The following CHODL variants were observed in gnomAD, a reference collection of about 807,000 sequenced individuals.
CHODL encodes the protein transmembrane protein MT75.
Under a neutral mutation model 34.5 loss-of-function variants are expected in CHODL, and 29 were observed. The observed-to-expected ratio is 0.84, with a 90% CI of 0.63 to 1.15. The LOEUF (loss-of-function observed/expected upper bound fraction) is 1.15, where lower values mean the gene tolerates loss of function less well. Ranked by LOEUF, CHODL falls within the 50% of genes most tolerant of loss-of-function variation. The pLI is 0.00. For missense variants in CHODL, 332 were observed against 332.5 expected, an observed-to-expected ratio of 1.00 and a Z score of 0.01; for synonymous variants, 125 against 116.1, an observed-to-expected ratio of 1.08 and a Z score of -0.49.
At chr21:17,943,098 A>C (rs1258347977) in intron 1 of CHODL, among the ~76,000 whole-genome samples, 1 of 152,124 alleles carries the variant, frequency 6.6e-6, no homozygotes, top group Non-Finnish European at 1.5e-5. Flanking sequence ...TTTATAAATT[A>C]CCCAGTTTCA....
At chr21:17,964,047 T>A (rs2063553118) in intron 1 of CHODL, among the ~76,000 whole-genome samples, 1 of 152,222 alleles carries the variant, frequency 6.6e-6, no homozygotes. Flanking sequence ...TATTTGTCTT[T>A]GACTGTGAAA....
At chr21:18,002,582 G>A (rs1240392780) in intron 1 of CHODL, among the ~76,000 whole-genome samples, 1 of 152,150 alleles carries the variant, frequency 6.6e-6, no homozygotes, top group Non-Finnish European at 1.5e-5. Context: ...TCCAGGTGGT[G>A]TTGAGCTAGT....
intron 2 of CHODL, among the ~76,000 whole-genome samples, chr21:18,182,556 G>T (rs1425514778): frequency 2.0e-5 from 3 of 151,794 alleles, no homozygotes; most frequent in Non-Finnish European, 4.4e-5. Context: ...AGGATCTGTT[G>T]GTCCTTAATT....
intron 1 of CHODL, among the ~76,000 whole-genome samples, chr21:17,978,379 G>A (rs951243771): frequency 2.1e-5 from 3 of 143,162 alleles, no homozygotes; most frequent in Non-Finnish European, 3.0e-5. Context: ...CCAAGATGGC[G>A]CCACTGCACT....
At chr21:17,979,772 G>A (rs1410217597) in intron 1 of CHODL, among the ~76,000 whole-genome samples, 2 of 152,162 alleles carry the variant, frequency 1.3e-5, no homozygotes, top group African/African-American at 4.8e-5. Context: ...CTTTGGAGAG[G>A]TACTTGGGGT....
intron 2 of CHODL, chr21:18,034,437 A>G (rs2146444285): frequency 6.6e-6 from 1 of 152,118 alleles, no homozygotes; most frequent in South Asian, 2.1e-4. Context: ...TCCACAGAAT[A>G]TGGACTAAGA....
intron 1 of CHODL, among the ~76,000 whole-genome samples, chr21:17,941,280 T>C (rs182476978): frequency 7.1e-6 from 1 of 141,030 alleles, no homozygotes; most frequent in African/African-American, 2.7e-5. Context: ...AAAACTTAAC[T>C]TGCCTCTTTT....
chr21:17,944,885 T>TA (rs1193073592), intron 1 of CHODL, among the ~76,000 whole-genome samples: 1 of 152,098 alleles, frequency 6.6e-6, no homozygotes, highest in Non-Finnish European at 1.5e-5. Context: ...AGGGAACAAA[T>TA]ATTACAAAGA....
At chr21:18,140,158 CT>C (rs2072783851) in intron 2 of CHODL, among the ~76,000 whole-genome samples, 1 of 152,122 alleles carries the variant, frequency 6.6e-6, no homozygotes. Context: ...ACTCCCTGAG[CT>C]GCGAATAAAT....
chr21:17,947,711 G>A (rs1379102159), intron 1 of CHODL, among the ~76,000 whole-genome samples: 1 of 152,054 alleles, frequency 6.6e-6, no homozygotes. Context: ...TATACACTCT[G>A]GGAATGTACC....
intron 1 of CHODL, among the ~76,000 whole-genome samples, chr21:17,972,715 A>G (rs197536): frequency 0.27 from 41,434 of 152,052 alleles, 7,432 homozygotes; most frequent in African/African-American, 0.51. Context: ...TGTCCATACT[A>G]CCCAAAGTAA....
At chr21:18,193,705 A>AAAAAT (rs1296323019) in intron 2 of CHODL, among the ~76,000 whole-genome samples, 7 of 146,372 alleles carry the variant, frequency 4.8e-5, no homozygotes, top group African/African-American at 1.5e-4. Flanking sequence ...CAGAAAAAAA[A>AAAAAT]AAAAATAAAA....
chr21:18,011,268 A>C (rs2064016973), intron 1 of CHODL, among the ~76,000 whole-genome samples: 1 of 141,134 alleles, frequency 7.1e-6, no homozygotes, highest in Non-Finnish European at 1.5e-5. Context: ...AAAAAGTCGA[A>C]CATTACTTTC....
chr21:18,242,496 C>T (rs377463781), upstream of CHODL, among the ~76,000 whole-genome samples: 31 of 151,122 alleles, frequency 2.1e-4, no homozygotes, highest in South Asian at 6.5e-3. Flanking sequence ...TAGTAACACT[C>T]AGATTTTATA....
At chr21:18,031,230 G>T (rs1436296191) in intron 2 of CHODL, among the ~76,000 whole-genome samples, 1 of 152,044 alleles carries the variant, frequency 6.6e-6, no homozygotes, top group Admixed American at 6.6e-5. Context: ...TCCCCTATCT[G>T]GAAAAGTTGT....
At chr21:18,054,948 C>A (rs184567903) in intron 2 of CHODL, among the ~76,000 whole-genome samples, 1 of 152,028 alleles carries the variant, frequency 6.6e-6, no homozygotes, top group East Asian at 1.9e-4. Flanking sequence ...GGGCTGTCAC[C>A]ATGACCATAC....
intron 2 of CHODL, among the ~76,000 whole-genome samples, chr21:18,058,784 T>G (rs556624708): frequency 6.6e-6 from 1 of 152,150 alleles, no homozygotes; most frequent in Non-Finnish European, 1.5e-5. Context: ...CCTTATGGTT[T>G]TCATTATACC....
intron 1 of CHODL, among the ~76,000 whole-genome samples, chr21:17,970,803 G>A (rs1476712827): frequency 6.6e-6 from 1 of 151,976 alleles, no homozygotes; most frequent in African/African-American, 2.4e-5. Flanking sequence ...TGTTACATAG[G>A]TATACACATG....
chr21:18,163,105 G>A (rs888160953), intron 2 of CHODL, among the ~76,000 whole-genome samples: 1 of 152,290 alleles, frequency 6.6e-6, no homozygotes, highest in South Asian at 2.1e-4. Context: ...ACAGTTTGGG[G>A]CTATTAACAT....
Sources: allele counts gnomAD v4.1 joint callset (sites outside exome capture counted in the v4.1 genomes callset), GRCh38; gene constraint gnomAD v4.1.1; transcripts MANE v1.5; gene names NCBI Gene and HGNC (gene_info 2026-07-23, HGNC 2026-07-21).